LY6S: variants seen among roughly 807,000 people sequenced by gnomAD.
LY6S encodes lymphocyte antigen 6S.
the LY6S span, among the ~76,000 whole-genome samples, chr8:143,055,670 T>G: frequency 6.6e-6 from 1 of 152,324 alleles, no homozygotes; most frequent in South Asian, 2.1e-4. Flanking sequence ...AGGCAATTAA[T>G]AACAGCTTGT....
the LY6S span, among the ~76,000 whole-genome samples, chr8:143,075,151 G>A: frequency 3.3e-5 from 5 of 152,000 alleles, no homozygotes; most frequent in East Asian, 7.7e-4. The surrounding 1 kb of genome is among the most constrained non-coding windows in gnomAD (Gnocchi z 4.1). Flanking sequence ...TCCTTATTCA[G>A]TCTTGCCAGA....
At chr8:143,043,315 GCTTGT>G in the LY6S span, 2 of 1,151,930 alleles carry the variant, frequency 1.7e-6, no homozygotes, top group Non-Finnish European at 2.3e-6. Context: ...AGGAGGGAGA[GCTTGT>G]TCTCCCCTCT....
the LY6S span, among the ~76,000 whole-genome samples, chr8:143,068,722 A>C: frequency 6.6e-6 from 1 of 151,922 alleles, no homozygotes; most frequent in Admixed American, 6.5e-5. Context: ...ATGGTGATTT[A>C]TGCCAACAAA....
the LY6S span, among the ~76,000 whole-genome samples, chr8:143,052,443 C>G: frequency 6.6e-6 from 1 of 152,194 alleles, no homozygotes; most frequent in East Asian, 1.9e-4. Flanking sequence ...AAGACAAAGG[C>G]CTCTCACTAA....
the LY6S span, among the ~76,000 whole-genome samples, chr8:143,068,276 C>T: frequency 6.6e-6 from 1 of 152,216 alleles, no homozygotes; most frequent in Admixed American, 6.5e-5. Flanking sequence ...CCCTAAATCC[C>T]TTAAACCTTG....
chr8:143,070,489 A>ATTTTTTTTTTTTTTTTTT, the LY6S span, among the ~76,000 whole-genome samples: 13 of 81,686 alleles, frequency 1.6e-4, no homozygotes, highest in East Asian at 4.5e-4. Context: ...ATATATATAT[A>ATTTTTTTTTTTTTTTTTT]TTTTTTTTTT....
At chr8:143,075,744 A>T in the LY6S span, among the ~76,000 whole-genome samples, 1 of 152,170 alleles carries the variant, frequency 6.6e-6, no homozygotes, top group Non-Finnish European at 1.5e-5. The surrounding 1 kb of genome is among the most constrained non-coding windows in gnomAD (Gnocchi z 4.1). Context: ...TCCCAATGCA[A>T]ATATATAGGG....
the LY6S span, among the ~76,000 whole-genome samples, chr8:143,052,704 C>T: frequency 3.3e-5 from 5 of 152,220 alleles, no homozygotes; most frequent in South Asian, 2.1e-4. Flanking sequence ...GTATCGTCTC[C>T]GCTCCTCGTG....
chr8:143,072,283 T>C, the LY6S span, among the ~76,000 whole-genome samples: 15,229 of 71,296 alleles, frequency 0.21, 333 homozygotes, highest in East Asian at 0.33. Flanking sequence ...TCCCCGGGGT[T>C]CCTGTTTGAG....
chr8:143,067,121 G>T, the LY6S span, among the ~76,000 whole-genome samples: 8 of 152,272 alleles, frequency 5.3e-5, no homozygotes, highest in East Asian at 1.5e-3. Context: ...AGAGTGAGGT[G>T]CCTCCTACCC....
At chr8:143,051,113 G>A in the LY6S span, among the ~76,000 whole-genome samples, 1 of 152,178 alleles carries the variant, frequency 6.6e-6, no homozygotes, top group Admixed American at 6.5e-5. Context: ...TCACTGCCTG[G>A]GACATCAAAG....
chr8:143,062,598 G>A, the LY6S span, among the ~76,000 whole-genome samples: 75 of 152,304 alleles, frequency 4.9e-4, 2 homozygotes, highest in East Asian at 7.7e-3. Flanking sequence ...CATTGAACCT[G>A]GGAGGCGGAT....
the LY6S span, chr8:143,057,940 C>T: frequency 2.0e-5 from 11 of 557,384 alleles, no homozygotes; most frequent in South Asian, 1.3e-4. Flanking sequence ...GTGGTCTCAG[C>T]GTCGTCTCTG....
chr8:143,070,263 A>C, the LY6S span, among the ~76,000 whole-genome samples: 3 of 149,880 alleles, frequency 2.0e-5, no homozygotes, highest in African/African-American at 7.4e-5. Context: ...CCTATTTTCA[A>C]ATGCTATCAC....
the LY6S span, among the ~76,000 whole-genome samples, chr8:143,065,264 G>A: frequency 4.3e-4 from 66 of 152,282 alleles, no homozygotes; most frequent in East Asian, 0.012. Context: ...GGTGGGGCAG[G>A]AGACACTATG....
the LY6S span, chr8:143,053,862 C>T: frequency 1.6e-4 from 25 of 152,258 alleles, no homozygotes; most frequent in African/African-American, 5.3e-4. Flanking sequence ...ATCAATCTCC[C>T]GCTCTATCCT....
At chr8:143,075,242 C>T in the LY6S span, among the ~76,000 whole-genome samples, 5 of 152,130 alleles carry the variant, frequency 3.3e-5, no homozygotes, top group African/African-American at 1.2e-4. This position sits in a 1 kb window ranked among gnomAD's most constrained non-coding sequence, Gnocchi z 4.1. Context: ...CATTCTCAGT[C>T]CTGTCTCTTT....
At chr8:143,043,131 G>T in the LY6S span, 1 of 1,367,432 alleles carries the variant, frequency 7.3e-7, no homozygotes, top group East Asian at 4.6e-5. Flanking sequence ...TCACAGCAGG[G>T]CCCAGAGGAA....
chr8:143,072,755 G>T, the LY6S span, among the ~76,000 whole-genome samples: 8 of 135,812 alleles, frequency 5.9e-5, 1 homozygote, highest in Admixed American at 1.5e-4. Context: ...GTCGTCCTCG[G>T]GGTTCCTGTT....
Sources: allele counts gnomAD v4.1 joint callset (sites outside exome capture counted in the v4.1 genomes callset), GRCh38; gene constraint gnomAD v4.1.1; non-coding constraint Gnocchi (gnomAD v3.1); transcripts MANE v1.5; gene names NCBI Gene and HGNC (gene_info 2026-07-23, HGNC 2026-07-21).